NFIX: variants seen among roughly 807,000 people sequenced by gnomAD.
NFIX encodes nuclear factor 1 X-type.
In NFIX, 2 loss-of-function variants were observed where a neutral mutation model predicts 53.3. That is an observed-to-expected ratio of 0.04 (90% CI 0.02 to 0.12). The LOEUF (loss-of-function observed/expected upper bound fraction) is 0.12. NFIX is among the 10% of genes least tolerant of loss of function. The pLI is 1.00. For missense variants in NFIX, 310 were observed against 674.5 expected (o/e 0.46, Z 5.99); for synonymous variants, 244 against 289.0 (o/e 0.84, Z 1.58).
At chr19:13,004,118 A>T (rs1046086386) in intron 1 of NFIX, among the ~76,000 whole-genome samples, 4 of 152,116 alleles carry the variant, frequency 2.6e-5, no homozygotes, top group Non-Finnish European at 4.4e-5. Flanking sequence ...CTATTTAGTG[A>T]GTGGAGACCC....
chr19:13,055,277 C>G (rs894493165), intron 2 of NFIX, among the ~76,000 whole-genome samples: 1 of 141,694 alleles, frequency 7.1e-6, no homozygotes, highest in African/African-American at 2.5e-5. Context: ...GGCCTAGAGT[C>G]TTCAGATTGC....
chr19:13,063,744 C>T (rs1321204053), intron 2 of NFIX, among the ~76,000 whole-genome samples: 1 of 152,168 alleles, frequency 6.6e-6, no homozygotes, highest in Non-Finnish European at 1.5e-5. Context: ...CTCCAAACTC[C>T]TGCTTGTCCC....
intron 2 of NFIX, among the ~76,000 whole-genome samples, chr19:13,056,667 C>A (rs1176165850): frequency 1.3e-5 from 2 of 152,230 alleles, no homozygotes; most frequent in East Asian, 1.9e-4. Flanking sequence ...GGGGTGAAAA[C>A]CTGGCTTAGC....
chr19:13,027,774 G>A lies in NFIX; in HGVS notation c.559+2222G>A, dbSNP rs1020587779. 4.6e-5 allele frequency among the ~76,000 whole-genome samples: 7 copies of A among 152,302 alleles called. No homozygotes were observed. The South Asian group carries it at 6.2e-4, about 14-fold the overall frequency. On this transcript the variant is annotated intron_variant, in intron 2 of 10. Coordinates refer to ENST00000592199, the MANE Select transcript of NFIX (RefSeq NM_001365902.3). This position sits in a 1 kb window ranked among gnomAD's most constrained non-coding sequence, Gnocchi z 4.3. ...CCAGCTTAAGAGATCATTCGCCCAG[G>A]AATATGAGTGAATTCATACCCCATT...
intron 2 of NFIX, among the ~76,000 whole-genome samples, chr19:13,058,549 TG>T (rs1465017338): frequency 2.1e-5 from 3 of 145,934 alleles, no homozygotes; most frequent in Admixed American, 6.8e-5. Flanking sequence ...GCTAAGTAGC[TG>T]GGACCACAGC....
intron 6 of NFIX, among the ~76,000 whole-genome samples, chr19:13,076,958 C>T (rs1394974363): frequency 2.0e-5 from 3 of 152,146 alleles, no homozygotes; most frequent in Non-Finnish European, 2.9e-5. Context: ...TCTGGGGCCC[C>T]TCCCAGGCTC....
chr19:13,086,916 C>G (rs557351712), intron 8 of NFIX, among the ~76,000 whole-genome samples: 2 of 152,232 alleles, frequency 1.3e-5, no homozygotes, highest in African/African-American at 4.8e-5. Context: ...GCTTGCTCAC[C>G]GATAGGAGGA....
chr19:13,079,275 G>A (rs2145462247), intron 7 of NFIX, among the ~76,000 whole-genome samples: 1 of 152,302 alleles, frequency 6.6e-6, no homozygotes, highest in East Asian at 1.9e-4. Context: ...AGGAAGGGCT[G>A]GGTCTAGGGG....
rs1349687638 is a variant in NFIX, at chr19:13,043,026, C to T, written c.559+17474C>T. On this transcript the variant is annotated intron_variant, in intron 2 of 10. Coordinates refer to ENST00000592199, the MANE Select transcript of NFIX (RefSeq NM_001365902.3). This position sits in a 1 kb window ranked among gnomAD's most constrained non-coding sequence, Gnocchi z 4.0. ...TCAGAAAGATGTTGCCATCATTGTA[C>T]ATATCGTGTACATTGCACATACATG... Among the ~76,000 whole-genome samples the T allele has an allele frequency of 6.6e-6, 1 of 152,206 alleles. No individual in the cohort carries two copies. The highest frequency in any genetic ancestry group is 6.5e-5 in the Admixed American group (1 of 15,286).
intron 2 of NFIX, among the ~76,000 whole-genome samples, chr19:13,055,908 C>T: frequency 6.6e-6 from 1 of 152,192 alleles, no homozygotes; most frequent in East Asian, 1.9e-4. Context: ...GCAAATCTCT[C>T]CTTGCACCCA....
At chr19:13,055,926 G>A (rs1056170574) in intron 2 of NFIX, among the ~76,000 whole-genome samples, 36 of 152,292 alleles carry the variant, frequency 2.4e-4, no homozygotes, top group African/African-American at 8.4e-4. Flanking sequence ...CCAGCCCCAC[G>A]GAGGTGACCC....
chr19:13,032,304 C>T (rs2013877667), intron 2 of NFIX, among the ~76,000 whole-genome samples: 1 of 152,074 alleles, frequency 6.6e-6, no homozygotes, highest in African/African-American at 2.4e-5. Context: ...GTGGAGCTCC[C>T]AGGGTGACAG....
chr19:13,015,158 A>G (rs1003750216), intron 1 of NFIX, among the ~76,000 whole-genome samples: 5 of 151,866 alleles, frequency 3.3e-5, no homozygotes, highest in African/African-American at 4.8e-5. Flanking sequence ...TAGACTTTTC[A>G]GCGATCCCTT....
Position 13,078,748 on chromosome 19 carries a change from G to C in NFIX, c.1078+13G>C. ...GGAGTCAGACCAGGTGAGAAATGGGGGGCCCCGGAGGGGGGCAGTTGGGGA... is the reference window on the plus strand; with the variant it reads ...GGAGTCAGACCAGGTGAGAAATGGGCGGCCCCGGAGGGGGGCAGTTGGGGA... On this transcript the variant is annotated intron_variant, in intron 7 of 10. Transcript: ENST00000592199. This position sits in a 1 kb window ranked among gnomAD's most constrained non-coding sequence, Gnocchi z 4.7. 2 of 1,594,472 alleles carry C rather than the reference G, an allele frequency of 1.3e-6. No homozygotes were observed. The highest frequency in any genetic ancestry group is 1.7e-6 in the Non-Finnish European group (2 of 1,170,318).
chr19:13,023,629 TC>T (rs2013090701), intron 1 of NFIX, among the ~76,000 whole-genome samples: 1 of 147,364 alleles, frequency 6.8e-6, no homozygotes, highest in Non-Finnish European at 1.5e-5. Context: ...TGCATTTTTT[TC>T]TTTTTTTTTT....
chr19:13,057,478 CG>C (rs2015780427), intron 2 of NFIX, among the ~76,000 whole-genome samples: 1 of 152,186 alleles, frequency 6.6e-6, no homozygotes, highest in African/African-American at 2.4e-5. Flanking sequence ...GCTGCAGACT[CG>C]GCTTTCGCTC....
Position 13,009,169 on chromosome 19 carries a change from G to GCA in NFIX, c.27+13318_27+13319dup, listed in dbSNP as rs143917196. Among the ~76,000 whole-genome samples the GCA allele has an allele frequency of 3.8e-4, 58 of 151,530 alleles. No homozygotes were observed. The highest frequency in any genetic ancestry group is 6.0e-4 in the African/African-American group (25 of 41,378). ...GTCTCACACACAACCTGTCACACAC[G>GCA]CACACACACACACAGCGGCACAGTC... On this transcript the variant is annotated intron_variant, in intron 1 of 10. Coordinates refer to ENST00000592199, the MANE Select transcript of NFIX (RefSeq NM_001365902.3). This position sits in a 1 kb window ranked among gnomAD's most constrained non-coding sequence, Gnocchi z 4.7.
intron 5 of NFIX, among the ~76,000 whole-genome samples, chr19:13,075,185 C>T (rs542676830): frequency 4.0e-5 from 6 of 151,674 alleles, no homozygotes; most frequent in African/African-American, 9.7e-5. Flanking sequence ...CCTGTGAGTA[C>T]GTCATTCACC....
rs545925539 is a variant in NFIX at position 13,048,674 on chromosome 19, A to G, written c.559+23122A>G. Among the ~76,000 whole-genome samples the G allele has an allele frequency of 1.7e-4, 25 of 144,544 alleles. No individual in the cohort carries two copies. The East Asian group carries it at 5.0e-3, about 29-fold the overall frequency. The allele number at this position is 144,544 out of a possible 152,430, so 94.8% of individuals were successfully genotyped here. ...TAGGAGTTCAAGACCAGCCTGGGCA[A>G]CACAGGGAGACCTCATCTCTGCAAA... On this transcript the variant is annotated intron_variant, in intron 2 of 10. Transcript: ENST00000592199.
Sources: allele counts gnomAD v4.1 joint callset (sites outside exome capture counted in the v4.1 genomes callset), GRCh38; gene constraint gnomAD v4.1.1; non-coding constraint Gnocchi (gnomAD v3.1); transcripts MANE v1.5; gene names NCBI Gene and HGNC (gene_info 2026-07-23, HGNC 2026-07-21).